The following NRG1 variants were observed in gnomAD, a reference collection of about 807,000 sequenced individuals.
NRG1 encodes the protein pro-neuregulin-1, membrane-bound isoform.
NRG1 carries 18 observed loss-of-function variants against 63.8 expected under a neutral mutation model. That is an observed-to-expected ratio of 0.28 (90% CI 0.19 to 0.42). The LOEUF (loss-of-function observed/expected upper bound fraction) is 0.42, where lower values mean the gene tolerates loss of function less well. Ranked by LOEUF, NRG1 falls within the 10% of genes least tolerant of loss-of-function variation. The probability of loss-of-function intolerance (pLI) is 1.00; values close to 1 mark genes in which losing one functional copy is unlikely to be tolerated. For synonymous variants in NRG1, 302 were observed against 301.3 expected (o/e 1.00, Z -0.02); for missense variants, 762 against 814.7 (o/e 0.94, Z 0.79).
intron 1 of NRG1, among the ~76,000 whole-genome samples, chr8:32,253,214 C>G (rs757039508): frequency 6.6e-6 from 1 of 152,152 alleles, no homozygotes; most frequent in Admixed American, 6.5e-5. Flanking sequence ...TTGCCCTGGC[C>G]AGAACTTCCA....
At chr8:32,517,081 T>G (rs1328771345) in intron 1 of NRG1, among the ~76,000 whole-genome samples, 1 of 152,196 alleles carries the variant, frequency 6.6e-6, no homozygotes. Flanking sequence ...TGGCTGAATT[T>G]ATAGTTCTCC....
chr8:32,558,991 A>G (rs1451953605), intron 1 of NRG1, among the ~76,000 whole-genome samples: 1 of 149,264 alleles, frequency 6.7e-6, no homozygotes, highest in Non-Finnish European at 1.5e-5. Flanking sequence ...AGATGGGAGG[A>G]TCACTTGAGC....
intron 1 of NRG1, among the ~76,000 whole-genome samples, chr8:31,978,652 A>G (rs1287224787): frequency 4.6e-5 from 7 of 152,236 alleles, no homozygotes; most frequent in Admixed American, 3.3e-4. Flanking sequence ...GTCATAGTGG[A>G]TATTTCCCTC....
intron 1 of NRG1, among the ~76,000 whole-genome samples, chr8:32,551,453 A>C (rs1356834368): frequency 1.3e-5 from 2 of 152,096 alleles, no homozygotes; most frequent in African/African-American, 4.8e-5. Flanking sequence ...ATGGGGTGGG[A>C]TCTCAGCCAC....
intron 1 of NRG1, among the ~76,000 whole-genome samples, chr8:32,575,682 G>A (rs2129529608): frequency 6.6e-6 from 1 of 152,290 alleles, no homozygotes; most frequent in African/African-American, 2.4e-5. Flanking sequence ...AATTTTGAGA[G>A]AGTATTCTTG....
At chr8:32,184,698 G>A (rs1199051365) in intron 1 of NRG1, among the ~76,000 whole-genome samples, 1 of 151,910 alleles carries the variant, frequency 6.6e-6, no homozygotes, top group Non-Finnish European at 1.5e-5. Context: ...ATGCTTTAAT[G>A]GTTAGAGCTG....
chr8:31,999,838 A>C (rs912944628), intron 1 of NRG1, among the ~76,000 whole-genome samples: 2 of 152,046 alleles, frequency 1.3e-5, no homozygotes, highest in Admixed American at 1.3e-4. Context: ...CATTTTGTAA[A>C]TAAACAGCTA....
chr8:32,682,233 A>G (rs369976977), intron 5 of NRG1, among the ~76,000 whole-genome samples: 7 of 152,152 alleles, frequency 4.6e-5, no homozygotes, highest in Admixed American at 6.5e-5. Flanking sequence ...TTATTATGCT[A>G]TTATTATGAT....
chr8:31,965,591 A>G (rs1411681536), intron 1 of NRG1, among the ~76,000 whole-genome samples: 3 of 152,190 alleles, frequency 2.0e-5, no homozygotes, highest in African/African-American at 7.2e-5. Flanking sequence ...TTGCTAGGTC[A>G]ATGGTAGCTC....
In NRG1 at chr8:31,772,370, G is replaced by A. The variant is rs544602003; in HGVS notation, c.37+132939G>A. On this transcript the variant is annotated intron_variant, in intron 1 of 10. Transcript: ENST00000519301. ...GTCACCAAGACTCTCTACACAGTAA[G>A]GGCTCCATCTGTTTTGACTGTTGAC... Among the ~76,000 whole-genome samples, 12 of 152,274 alleles carry A rather than the reference G, an allele frequency of 7.9e-5. No homozygotes were observed. In the East Asian group the frequency reaches 2.3e-3, roughly 29 times the overall value.
In NRG1 at chr8:32,021,114, T is replaced by G. The variant is rs1816361892; in HGVS notation, c.37+381683T>G. The stretch of plus-strand genomic sequence containing the variant: ...ACTACATTTTGCCATAATTTTGCTA[T>G]AGTTAACATTCCAAGTATATTCAAA... On this transcript the variant is annotated intron_variant, in intron 1 of 10. Coordinates refer to the NRG1 transcript ENST00000519301. Among the ~76,000 whole-genome samples the G allele has an allele frequency of 2.6e-5, 4 of 152,352 alleles. No individual in the cohort carries two copies. The South Asian group carries it at 8.3e-4, about 32-fold the overall frequency.
intron 1 of NRG1, among the ~76,000 whole-genome samples, chr8:32,581,591 T>C (rs60944982): frequency 0.26 from 38,996 of 151,286 alleles, 5,129 homozygotes; most frequent in South Asian, 0.33. Flanking sequence ...GAAACAAACA[T>C]GTGTAAAGAT....
chr8:32,397,368 T>C (rs900243869), intron 1 of NRG1, among the ~76,000 whole-genome samples: 17 of 152,182 alleles, frequency 1.1e-4, no homozygotes, highest in African/African-American at 4.1e-4. Flanking sequence ...ATGTTAGTTT[T>C]GTTAATATGT....
chr8:32,331,321 C>A (rs1188324304), intron 1 of NRG1, among the ~76,000 whole-genome samples: 1 of 146,828 alleles, frequency 6.8e-6, no homozygotes, highest in Non-Finnish European at 1.5e-5. Flanking sequence ...GAGTTCCAGA[C>A]CAGCCTGGGC....
chr8:32,214,787 A>G (rs1047688055), intron 1 of NRG1, among the ~76,000 whole-genome samples: 12 of 152,258 alleles, frequency 7.9e-5, no homozygotes, highest in African/African-American at 2.9e-4. Context: ...TGCTCTAAAT[A>G]CTAAGCAAGA....
At chr8:32,280,326 C>T (rs1852565707) in intron 1 of NRG1, among the ~76,000 whole-genome samples, 2 of 152,184 alleles carry the variant, frequency 1.3e-5, no homozygotes, top group Admixed American at 6.5e-5. Context: ...GAAGGAATCA[C>T]TAATTAAATG....
chr8:32,742,182 T>A lies in NRG1; in HGVS notation c.633-493T>A. On this transcript the variant is annotated intron_variant, in intron 6 of 11. Coordinates refer to ENST00000356819, the Ensembl canonical transcript of NRG1. The surrounding 1 kb of genome is among the most constrained non-coding windows in gnomAD (Gnocchi z 4.2). ...CGTAACTGATTCATTTTGTTCTAATTATGGCTTAACCTCTCAAGGCATAAA... is the reference window on the plus strand; with the variant it reads ...CGTAACTGATTCATTTTGTTCTAATAATGGCTTAACCTCTCAAGGCATAAA... 2.1e-6 allele frequency: 2 copies of A among 931,258 alleles called. No homozygotes were observed. Among genetic ancestry groups the A allele is most frequent in the Non-Finnish European group, 3.4e-6 (2 of 583,122 alleles). 57.7% of individuals were successfully genotyped at this position (931,258 alleles called of 1,614,324 possible). A position where few individuals can be genotyped will look rare whatever the true frequency, so the allele number is the denominator to read the frequency against.
At chr8:31,733,763 C>T (rs1413925369) in intron 1 of NRG1, among the ~76,000 whole-genome samples, 1 of 152,158 alleles carries the variant, frequency 6.6e-6, no homozygotes, top group Non-Finnish European at 1.5e-5. Flanking sequence ...GGGTTCTGTA[C>T]ATGTCACAGT....
At chr8:32,577,964 T>A (rs1214572646) in intron 1 of NRG1, among the ~76,000 whole-genome samples, 1 of 152,170 alleles carries the variant, frequency 6.6e-6, no homozygotes, top group East Asian at 1.9e-4. Context: ...GGCAGGTCTA[T>A]GGGCCTATTA....
Sources: allele counts gnomAD v4.1 joint callset (sites outside exome capture counted in the v4.1 genomes callset), GRCh38; gene constraint gnomAD v4.1.1; non-coding constraint Gnocchi (gnomAD v3.1); transcripts MANE v1.5; gene names NCBI Gene and HGNC (gene_info 2026-07-23, HGNC 2026-07-21).